Variants in RC3H1 observed in about 807,000 individuals in gnomAD.
The protein encoded by RC3H1 is ring finger and CCCH-type domains 1.
Under a neutral mutation model 138.2 loss-of-function variants are expected in RC3H1, and 50 were observed. The ratio of observed to expected loss-of-function variants is 0.36; its 90% confidence interval spans 0.29 to 0.46. The LOEUF (loss-of-function observed/expected upper bound fraction) is 0.46. RC3H1 is among the 20% of genes least tolerant of loss of function. RC3H1 has a pLI of 1.00. For missense variants in RC3H1, 1,031 were observed against 1,388.1 expected (o/e 0.74, Z 4.09); for synonymous variants, 462 against 489.1 (o/e 0.94, Z 0.73).
intron 13 of RC3H1, among the ~76,000 whole-genome samples, chr1:173,953,971 G>C (rs1027112632): frequency 6.6e-6 from 1 of 152,030 alleles, no homozygotes; most frequent in Non-Finnish European, 1.5e-5. Flanking sequence ...CCTGGGAGGC[G>C]GAGGTTGCAG....
intron 17 of RC3H1, among the ~76,000 whole-genome samples, chr1:173,945,125 CTTTT>C (rs71718815): frequency 1.4e-5 from 2 of 138,058 alleles, no homozygotes; most frequent in Non-Finnish European, 1.6e-5. Flanking sequence ...TTAAAAATTC[CTTTT>C]TTTTTTTTTT....
In RC3H1 at chr1:173,938,753, T is replaced by C. The variant is rs775734120; in HGVS notation, c.3370A>G (p.Arg1124Gly). 6.2e-7 allele frequency: 1 copy of C among 1,612,902 alleles called. No individual in the cohort carries two copies. Among genetic ancestry groups the C allele is most frequent in the Non-Finnish European group, 8.5e-7 (1 of 1,179,202 alleles). Residue 1124 changes from arginine (R) to glycine (G), a missense_variant, in exon 20 of 20, where the codon AGA (arginine) becomes GGA (glycine). Physicochemically the swap from Arg to Gly is moderately radical, Grantham distance 125. This residue lies in a region of RC3H1 where 716 missense variants were observed against 837.9 expected (regional missense o/e 0.85). Coordinates refer to ENST00000367696, the MANE Select transcript of RC3H1 (RefSeq NM_172071.4). ...EGGGDNNDSQ[R>G]SGVTPSSAP Reference sequence around the variant, plus strand: ...GCAGAACTGGGAGTAACTCCTGATCTCTGGGAGTCATTATTATCCCCTCCT... The same window carrying C: ...GCAGAACTGGGAGTAACTCCTGATCCCTGGGAGTCATTATTATCCCCTCCT...
In RC3H1 at chr1:173,938,672, C is replaced by T. The variant is rs116773833; in HGVS notation, c.*49G>A. On this transcript the variant is annotated 3_prime_UTR_variant, in exon 20 of 20. Transcript: ENST00000367696. Reference sequence around the variant, plus strand: ...AGTTATGCGTTCTCCTACCCCTATGCCCGACAAACTGATTAGGAGCAGAAG... The same window carrying T: ...AGTTATGCGTTCTCCTACCCCTATGTCCGACAAACTGATTAGGAGCAGAAG... 4,055 of 1,442,206 alleles carry T rather than the reference C, an allele frequency of 2.8e-3. 100 individuals are homozygous for T. In the African/African-American group the frequency reaches 0.052, roughly 18 times the overall value. 89.3% of individuals were successfully genotyped at this position (1,442,206 alleles called of 1,614,324 possible).
Position 173,964,092 on chromosome 1 carries a change from G to A in RC3H1, c.1712C>T (p.Thr571Ile), listed in dbSNP as rs1368499270. Residue 571 changes from threonine to isoleucine, a missense_variant, in exon 11 of 20, where the codon ACC becomes ATC. Thr to Ile is a moderately conservative substitution (Grantham distance 89). Transcript: ENST00000367696. ...TCGAGGTACCATCTGAAGTGGTTTG[G>A]TAACAGGCATTGGAGGCAGATCTGC... ...GPADLPPMPVTKPLQMVPRGS... is the reference protein window; with the variant it reads ...GPADLPPMPVIKPLQMVPRGS... 1 of 1,614,110 alleles carries A rather than the reference G, an allele frequency of 6.2e-7. No homozygotes were observed. Among genetic ancestry groups the A allele is most frequent in the Admixed American group, 1.7e-5 (1 of 60,010 alleles).
rs773753006 is a variant in RC3H1, at chr1:173,961,910, G to A, written c.2017C>T (p.Arg673Cys). Reference sequence around the variant, plus strand: ...TAAGACGGAGCAGGGTACACTCGACGGCCATCATAGTGAGATGGGTATATA... The same window carrying A: ...TAAGACGGAGCAGGGTACACTCGACAGCCATCATAGTGAGATGGGTATATA... ...PPIYPSHYDG[R>C]RVYPAPSYTR... The change falls in exon 12 of 20, where the codon CGT becomes TGT. Residue 673 changes from arginine (R) to cysteine (C), a missense_variant. Arg to Cys is a radical substitution (Grantham distance 180). Transcript: ENST00000367696. 19 of 1,613,880 alleles carry A rather than the reference G, an allele frequency of 1.2e-5. No individual in the cohort carries two copies. Among genetic ancestry groups the A allele is most frequent in the African/African-American group, 4.0e-5 (3 of 74,888 alleles).
In RC3H1 at chr1:174,022,343, C is replaced by A. The variant is rs1661987673; in HGVS notation, c.-398G>T. The A allele has an allele frequency of 7.9e-6, 3 of 379,308 alleles. No homozygotes were observed. 23.5% of individuals were successfully genotyped at this position (379,308 alleles called of 1,614,324 possible). A position where few individuals can be genotyped will look rare whatever the true frequency, so the allele number is the denominator to read the frequency against. ...TTCCTCCTCCTCGTCCTCCGCCGCC[C>A]AGTCGCTCGTTGTCCTCGTCCCCTT... On this transcript the variant is annotated 5_prime_UTR_variant, in exon 1 of 20. Coordinates refer to ENST00000367696, the MANE Select transcript of RC3H1 (RefSeq NM_172071.4). The surrounding 1 kb of genome is among the most constrained non-coding windows in gnomAD (Gnocchi z 4.2).
In RC3H1 at chr1:173,973,408, C is replaced by T. The variant is rs370587754; in HGVS notation, c.1103-781G>A. Among the ~76,000 whole-genome samples, 1,182 of 151,974 alleles carry T rather than the reference C, an allele frequency of 7.8e-3. 14 individuals carry two copies. Among genetic ancestry groups the T allele is most frequent in the African/African-American group, 0.027 (1,132 of 41,464 alleles). On this transcript the variant is annotated intron_variant, in intron 7 of 19. Coordinates refer to ENST00000367696, the MANE Select transcript of RC3H1 (RefSeq NM_172071.4). ...AAAATTACCCAGGCATGGTGGCACG[C>T]GCCTATAGTCCCAGCAACTTAGGAG...
At position 173,933,739 on chromosome 1, in the gene RC3H1, T is replaced by A. The variant is rs2102813052; in HGVS notation, c.*4982A>T. ...TGTCCAAGGTAGAAAGGTATGAATG[T>A]GGATCAGCAAAATGGGCACTCAGGT... On this transcript the variant is annotated 3_prime_UTR_variant, in exon 20 of 20. Coordinates refer to ENST00000367696, the MANE Select transcript of RC3H1 (RefSeq NM_172071.4). 1 of 152,262 alleles carries A rather than the reference T, an allele frequency of 6.6e-6. No homozygotes were observed. Among genetic ancestry groups the A allele is most frequent in the Middle Eastern group, 3.4e-3 (1 of 294 alleles). The allele number at this position is 152,262 out of a possible 1,614,324, so 9.4% of individuals were successfully genotyped here.
intron 9 of RC3H1, among the ~76,000 whole-genome samples, chr1:173,968,119 T>G (rs533365313): frequency 6.6e-6 from 1 of 152,316 alleles, no homozygotes; most frequent in East Asian, 1.9e-4. Context: ...GATTCTCTAT[T>G]GCATTTCATT....
At chr1:173,944,435 G>A (rs976803396) in intron 17 of RC3H1, among the ~76,000 whole-genome samples, 30 of 152,296 alleles carry the variant, frequency 2.0e-4, no homozygotes, top group African/African-American at 5.5e-4. Context: ...GGGGGAAAGC[G>A]GAGGGATAGC....
intron 1 of RC3H1, among the ~76,000 whole-genome samples, chr1:174,021,570 G>C (rs752649328): frequency 1.3e-5 from 2 of 151,998 alleles, no homozygotes; most frequent in African/African-American, 2.4e-5. Context: ...TAGATCTCCA[G>C]GGACTTCAGG....
At chr1:173,951,582 C>A (rs1318035735) in intron 14 of RC3H1, among the ~76,000 whole-genome samples, 1 of 151,994 alleles carries the variant, frequency 6.6e-6, no homozygotes, top group East Asian at 1.9e-4. Flanking sequence ...GCTTTGTCAC[C>A]CAGGCTGGAG....
chr1:173,952,347 A>AT, intron 13 of RC3H1, among the ~76,000 whole-genome samples: 1 of 122,044 alleles, frequency 8.2e-6, no homozygotes, highest in Non-Finnish European at 1.6e-5. Flanking sequence ...GTGAAGAGTG[A>AT]TTTTTAGCTT....
At chr1:173,965,434 T>C (rs1188101389) in intron 9 of RC3H1, among the ~76,000 whole-genome samples, 1 of 151,950 alleles carries the variant, frequency 6.6e-6, no homozygotes, top group Non-Finnish European at 1.5e-5. Flanking sequence ...CTAATAAAAA[T>C]ACAAAAATTA....
Position 173,947,414 on chromosome 1 carries a change from C to A in RC3H1, c.2692G>T (p.Ala898Ser). Residue 898 changes from alanine (A) to serine (S), a missense_variant, in exon 15 of 20, where the codon GCT becomes TCT. Ala to Ser is a moderately conservative substitution (Grantham distance 99, BLOSUM62 1). Transcript: ENST00000367696. ...GTAGGAGCTCCCTGAGGTGCCATAG[C>A]CTGCATTGGACCAGCACCCTGATAT... ...TIYQGAGPMQ[A>S]MAPQGAPTKS... 1 of 1,614,054 alleles carries A rather than the reference C, an allele frequency of 6.2e-7. No individual in the cohort carries two copies. The highest frequency in any genetic ancestry group is 2.2e-5 in the East Asian group (1 of 44,872).
At chr1:174,015,669 ATT>A (rs986426505) in intron 1 of RC3H1, among the ~76,000 whole-genome samples, 1 of 103,932 alleles carries the variant, frequency 9.6e-6, no homozygotes, top group Admixed American at 8.6e-5. Flanking sequence ...CTGGCCTCAT[ATT>A]TTATATATAT....
intron 1 of RC3H1, among the ~76,000 whole-genome samples, chr1:174,019,227 T>C (rs1448721311): frequency 1.3e-5 from 2 of 152,208 alleles, no homozygotes; most frequent in Non-Finnish European, 1.5e-5. Context: ...TCTTTTGTGA[T>C]TCACATGAAC....
At chr1:174,014,862 C>T (rs1647118786) in intron 1 of RC3H1, among the ~76,000 whole-genome samples, 1 of 152,138 alleles carries the variant, frequency 6.6e-6, no homozygotes, top group South Asian at 2.1e-4. Flanking sequence ...TTCTAATATA[C>T]ACCACTCTAC....
chr1:174,022,348 G>C lies in RC3H1; in HGVS notation c.-403C>G, dbSNP rs1047638269. ...CCTCCTCGTCCTCCGCCGCCCAGTC[G>C]CTCGTTGTCCTCGTCCCCTTCCTCT... On this transcript the variant is annotated 5_prime_UTR_variant, in exon 1 of 20. Coordinates refer to ENST00000367696, the MANE Select transcript of RC3H1 (RefSeq NM_172071.4). This position sits in a 1 kb window ranked among gnomAD's most constrained non-coding sequence, Gnocchi z 4.2. 2.6e-6 allele frequency: 1 copy of C among 378,414 alleles called. No individual in the cohort carries two copies. Among genetic ancestry groups the C allele is most frequent in the Admixed American group, 4.6e-5 (1 of 21,978 alleles). 23.4% of individuals were successfully genotyped at this position (378,414 alleles called of 1,614,324 possible).
Sources: allele counts gnomAD v4.1 joint callset (sites outside exome capture counted in the v4.1 genomes callset), GRCh38; gene constraint gnomAD v4.1.1; regional missense constraint gnomAD v4.1.1; non-coding constraint Gnocchi (gnomAD v3.1); transcripts MANE v1.5; gene names NCBI Gene and HGNC (gene_info 2026-07-23, HGNC 2026-07-21).